NKAIN3: variants seen among roughly 807,000 people sequenced by gnomAD.
NKAIN3 encodes sodium/potassium-transporting ATPase subunit beta-1-interacting protein 3.
In NKAIN3, 25 loss-of-function variants were observed where a neutral mutation model predicts 30.2. The ratio of observed to expected loss-of-function variants is 0.83; its 90% CI spans 0.60 to 1.16. The LOEUF (loss-of-function observed/expected upper bound fraction) is 1.16. Ranked by LOEUF, NKAIN3 falls within the 50% of genes most tolerant of loss-of-function variation. The pLI is 0.00. For synonymous variants in NKAIN3, 91 were observed against 89.6 expected (o/e 1.02, Z -0.09); for missense variants, 225 against 254.1 (o/e 0.89, Z 0.78).
intron 4 of NKAIN3, among the ~76,000 whole-genome samples, chr8:62,849,562 T>C (rs1819809522): frequency 6.6e-6 from 1 of 151,712 alleles, no homozygotes; most frequent in African/African-American, 2.4e-5. Flanking sequence ...ACTCATCATT[T>C]AACATTAGGT....
At chr8:62,359,408 G>A (rs1316025543) in intron 1 of NKAIN3, among the ~76,000 whole-genome samples, 1 of 152,154 alleles carries the variant, frequency 6.6e-6, no homozygotes, top group South Asian at 2.1e-4. Context: ...TATATGTGAT[G>A]TCAGGTCAAG....
At chr8:62,291,449 A>C (rs1056824767) in intron 1 of NKAIN3, among the ~76,000 whole-genome samples, 4 of 151,992 alleles carry the variant, frequency 2.6e-5, no homozygotes, top group Admixed American at 2.6e-4. Flanking sequence ...CTTTGTTTTC[A>C]TTGGTTTCAA....
intron 3 of NKAIN3, among the ~76,000 whole-genome samples, chr8:62,648,210 T>A (rs1023873271): frequency 6.6e-6 from 1 of 152,114 alleles, no homozygotes; most frequent in African/African-American, 2.4e-5. Flanking sequence ...AAGACATGGA[T>A]CCGTGTAGAT....
intron 3 of NKAIN3, among the ~76,000 whole-genome samples, chr8:62,616,465 C>T (rs898203595): frequency 1.3e-5 from 2 of 152,106 alleles, no homozygotes; most frequent in Admixed American, 6.5e-5. Flanking sequence ...AGCAGCCAAA[C>T]GGAAGAAAGC....
At chr8:62,251,766 G>A (rs1812110892) in intron 1 of NKAIN3, among the ~76,000 whole-genome samples, 1 of 152,050 alleles carries the variant, frequency 6.6e-6, no homozygotes, top group South Asian at 2.1e-4. Context: ...GCTGATTTGT[G>A]GGGTTTGCCA....
intron 3 of NKAIN3, among the ~76,000 whole-genome samples, chr8:62,729,863 A>C (rs1442223897): frequency 6.6e-6 from 1 of 152,190 alleles, no homozygotes; most frequent in Non-Finnish European, 1.5e-5. Context: ...GAACACTATT[A>C]CATGTGTACA....
chr8:62,707,067 ACACAC>A (rs1814550372), intron 3 of NKAIN3, among the ~76,000 whole-genome samples: 2 of 151,588 alleles, frequency 1.3e-5, no homozygotes, highest in Non-Finnish European at 2.9e-5. Context: ...ACACACACAC[ACACAC>A]ACACACACAC....
intron 3 of NKAIN3, among the ~76,000 whole-genome samples, chr8:62,684,203 C>T (rs1357359143): frequency 6.6e-6 from 1 of 152,154 alleles, no homozygotes; most frequent in Non-Finnish European, 1.5e-5. Context: ...CTGGCAGAAG[C>T]CACCATGCCA....
chr8:62,375,668 T>C (rs1817055918), intron 1 of NKAIN3, among the ~76,000 whole-genome samples: 1 of 152,160 alleles, frequency 6.6e-6, no homozygotes. Context: ...GGTATATTCA[T>C]ATGCTCAGAA....
chr8:62,494,052 A>G (rs945568070), intron 1 of NKAIN3, among the ~76,000 whole-genome samples: 2 of 152,136 alleles, frequency 1.3e-5, no homozygotes, highest in African/African-American at 4.8e-5. Context: ...CACGACTTCC[A>G]ATACTATGTT....
At chr8:62,416,913 AC>A (rs1339445250) in intron 1 of NKAIN3, among the ~76,000 whole-genome samples, 2 of 151,660 alleles carry the variant, frequency 1.3e-5, no homozygotes, top group Non-Finnish European at 2.9e-5. Flanking sequence ...AATCGCTTGA[AC>A]CTGGGAGGCG....
chr8:62,884,479 AC>A (rs1821084547), intron 4 of NKAIN3, among the ~76,000 whole-genome samples: 1 of 151,718 alleles, frequency 6.6e-6, no homozygotes, highest in Admixed American at 6.6e-5. Flanking sequence ...CTGGTCTCGA[AC>A]CCCCGACCTC....
At chr8:62,254,622 C>A (rs1812210811) in intron 1 of NKAIN3, among the ~76,000 whole-genome samples, 2 of 94,928 alleles carry the variant, frequency 2.1e-5, no homozygotes, top group Admixed American at 1.0e-4. Context: ...CAAATTATAT[C>A]TTTTGATTTT....
At chr8:62,668,489 G>A (rs888618640) in intron 3 of NKAIN3, among the ~76,000 whole-genome samples, 1 of 152,108 alleles carries the variant, frequency 6.6e-6, no homozygotes, top group African/African-American at 2.4e-5. Context: ...CAGTGCTGAC[G>A]CCTTCTCACT....
chr8:62,278,690 C>G (rs754433559), intron 1 of NKAIN3, among the ~76,000 whole-genome samples: 24 of 152,066 alleles, frequency 1.6e-4, no homozygotes, highest in Non-Finnish European at 3.2e-4. Context: ...CATCCATGTC[C>G]CTATAAAGGA....
chr8:62,248,903 G>A lies in NKAIN3; in HGVS notation c.-171G>A, dbSNP rs2272014. On this transcript the variant is annotated 5_prime_UTR_variant, in exon 1 of 7. Coordinates refer to ENST00000623646, the MANE Select transcript of NKAIN3 (RefSeq NM_001304533.3). ...CGCACTGACCTCGGCCCGCCCCGCC[G>A]GGAAACTAACAAAGGCGGGCGCGAG... 0.62 allele frequency: 354,474 copies of A among 574,374 alleles called. 110,297 individuals are homozygous for A. Among genetic ancestry groups the A allele is most frequent in the Non-Finnish European group, 0.64 (217,569 of 341,466 alleles). 35.6% of individuals were successfully genotyped at this position (574,374 alleles called of 1,614,324 possible). A position where few individuals can be genotyped will look rare whatever the true frequency, so the allele number is the denominator to read the frequency against.
chr8:62,331,245 T>C (rs1815347673), intron 1 of NKAIN3, among the ~76,000 whole-genome samples: 1 of 151,398 alleles, frequency 6.6e-6, no homozygotes, highest in African/African-American at 2.4e-5. Context: ...ATATGGATCT[T>C]CACTCCCTCC....
At chr8:62,499,814 GTTTGTTTC>G (rs757436716) in intron 1 of NKAIN3, among the ~76,000 whole-genome samples, 13 of 151,354 alleles carry the variant, frequency 8.6e-5, no homozygotes, top group Middle Eastern at 3.4e-3. Flanking sequence ...AGGTTTGTTT[GTTTGTTTC>G]TTTCTTTCTT....
intron 1 of NKAIN3, among the ~76,000 whole-genome samples, chr8:62,278,364 C>A (rs980488757): frequency 1.4e-5 from 2 of 147,136 alleles, no homozygotes; most frequent in Non-Finnish European, 1.5e-5. Flanking sequence ...CTGACAGGAC[C>A]CAGAGATCCT....
Sources: allele counts gnomAD v4.1 joint callset (sites outside exome capture counted in the v4.1 genomes callset), GRCh38; gene constraint gnomAD v4.1.1; transcripts MANE v1.5; gene names NCBI Gene and HGNC (gene_info 2026-07-23, HGNC 2026-07-21).